SRGN: variants seen among roughly 807,000 people sequenced by gnomAD.
SRGN encodes the protein serglycin.
Under a neutral mutation model 9.5 loss-of-function variants are expected in SRGN, and 2 were observed. The ratio of observed to expected loss-of-function variants is 0.21; its 90% confidence interval spans 0.09 to 0.66. The LOEUF (loss-of-function observed/expected upper bound fraction) is 0.66. Among genes scored for constraint, SRGN ranks in the 30% least tolerant of loss-of-function variants. The pLI, the probability that SRGN is intolerant of heterozygous loss-of-function variation, is 0.83. For synonymous variants in SRGN, 59 were observed against 72.3 expected (o/e 0.82, Z 0.93); for missense variants, 170 against 192.4 (o/e 0.88, Z 0.69).
At position 69,088,104 on chromosome 10, in the gene SRGN, C is replaced by A; in HGVS notation, c.-54C>A. The A allele has an allele frequency of 6.7e-7, 1 of 1,497,406 alleles. No individual in the cohort carries two copies. The highest frequency in any genetic ancestry group is 9.3e-7 in the Non-Finnish European group (1 of 1,073,766). The allele number at this position is 1,497,406 out of a possible 1,614,324, so 92.8% of individuals were successfully genotyped here. ...AAAAGGGACAGAGAGCACCCTGCTA[C>A]ATTTCCTAATCAAGAAGTTGGCGTG... On this transcript the variant is annotated 5_prime_UTR_variant, in exon 1 of 3. Transcript: ENST00000242465.
intron 1 of SRGN, among the ~76,000 whole-genome samples, chr10:69,088,971 A>G (rs1839996106): frequency 6.6e-6 from 1 of 152,208 alleles, no homozygotes; most frequent in Admixed American, 6.5e-5. Context: ...AGAAAAATAC[A>G]ATTTGTTATT....
chr10:69,090,289 CG>C (rs1785157282), intron 1 of SRGN, among the ~76,000 whole-genome samples: 1 of 152,188 alleles, frequency 6.6e-6, no homozygotes, highest in Non-Finnish European at 1.5e-5. Context: ...TTATCTAGCC[CG>C]TTGGTTTGGC....
upstream of SRGN, among the ~76,000 whole-genome samples, chr10:69,087,637 A>G (rs1417048835): frequency 6.6e-6 from 1 of 150,860 alleles, no homozygotes; most frequent in Non-Finnish European, 1.5e-5. Context: ...TTGAAGTTTC[A>G]CTTCACGAGC....
At chr10:69,098,971 A>G (rs1840235388) in intron 2 of SRGN, among the ~76,000 whole-genome samples, 1 of 152,164 alleles carries the variant, frequency 6.6e-6, no homozygotes, top group South Asian at 2.1e-4. Flanking sequence ...AAAGAAAAAA[A>G]AAATTAGGGA....
chr10:69,095,188 A>G lies in SRGN; in HGVS notation c.80-1896A>G, dbSNP rs564273259. On this transcript the variant is annotated intron_variant, in intron 1 of 2. Coordinates refer to ENST00000242465, the MANE Select transcript of SRGN (RefSeq NM_002727.4). Reference sequence around the variant, plus strand: ...CTGGATATGATTGTGGGCACCTGTCATCCCAGCTACTCGGGAGGCTGAGGC... The same window carrying G: ...CTGGATATGATTGTGGGCACCTGTCGTCCCAGCTACTCGGGAGGCTGAGGC... Among the ~76,000 whole-genome samples the G allele has an allele frequency of 4.8e-3, 723 of 151,700 alleles. 7 individuals carry two copies. Among genetic ancestry groups the G allele is most frequent in the African/African-American group, 0.017 (701 of 41,360 alleles).
At chr10:69,101,570 A>C (rs1840292032) in intron 2 of SRGN, among the ~76,000 whole-genome samples, 1 of 151,084 alleles carries the variant, frequency 6.6e-6, no homozygotes, top group Non-Finnish European at 1.5e-5. Flanking sequence ...CTCTCCTTTG[A>C]CTCTGCGTCT....
intron 1 of SRGN, among the ~76,000 whole-genome samples, chr10:69,091,909 G>GAAAAAAAAAAAAAAAAAAAAA (rs1208815472): frequency 1.6e-5 from 1 of 62,028 alleles, no homozygotes; most frequent in African/African-American, 5.4e-5. Context: ...AAAAAAAAAA[G>GAAAAAAAAAAAAAAAAAAAAA]AAAAAGAAAA....
intron 1 of SRGN, among the ~76,000 whole-genome samples, chr10:69,092,529 C>T (rs982290045): frequency 3.9e-5 from 6 of 152,152 alleles, no homozygotes; most frequent in Admixed American, 6.5e-5. Context: ...TGTGGTGGCT[C>T]ATGCCTGTAA....
At position 69,097,079 on chromosome 10, in the gene SRGN, G is replaced by A. The variant is rs1168410563; in HGVS notation, c.80-5G>A. 1.2e-6 allele frequency: 2 copies of A among 1,613,064 alleles called. No homozygotes were observed. The highest frequency in any genetic ancestry group is 2.7e-5 in the African/African-American group (2 of 74,842). ...ACTTAGTAACAATGTGGGTTCCTCG[G>A]GCAGGTTATCCTACGCGGAGAGCCA... On this transcript the variant is annotated splice_region_variant and splice_polypyrimidine_tract_variant and intron_variant, in intron 1 of 2. Coordinates refer to ENST00000242465, the MANE Select transcript of SRGN (RefSeq NM_002727.4).
At chr10:69,102,456 A>G (rs1469099740) in intron 2 of SRGN, among the ~76,000 whole-genome samples, 1 of 152,230 alleles carries the variant, frequency 6.6e-6, no homozygotes. Context: ...CCTCTGTTCT[A>G]TCCCAGGCCC....
intron 1 of SRGN, among the ~76,000 whole-genome samples, chr10:69,090,098 C>T (rs1362756619): frequency 2.0e-5 from 3 of 152,142 alleles, no homozygotes; most frequent in African/African-American, 4.8e-5. Flanking sequence ...CTCTCAGTAT[C>T]GGGCTCAAGG....
At chr10:69,091,345 A>G (rs1374723886) in intron 1 of SRGN, among the ~76,000 whole-genome samples, 5 of 152,196 alleles carry the variant, frequency 3.3e-5, no homozygotes, top group Non-Finnish European at 7.3e-5. Context: ...AGCCCTTGCT[A>G]TAACGTTTCC....
chr10:69,097,463 G>C, intron 2 of SRGN, among the ~76,000 whole-genome samples: 2 of 112,256 alleles, frequency 1.8e-5, no homozygotes, highest in Non-Finnish European at 3.6e-5. Context: ...GTCTCAGTCT[G>C]TCGCTCAGGC....
intron 2 of SRGN, among the ~76,000 whole-genome samples, chr10:69,099,496 G>A (rs1840247428): frequency 6.6e-6 from 1 of 151,686 alleles, no homozygotes; most frequent in African/African-American, 2.4e-5. Flanking sequence ...TAGAGACAGG[G>A]GTCTCTGTAC....
In SRGN at chr10:69,104,030, C is replaced by G; in HGVS notation, c.387C>G (p.Phe129Leu). The G allele has an allele frequency of 6.2e-7, 1 of 1,614,192 alleles. No individual in the cohort carries two copies. Among genetic ancestry groups the G allele is most frequent in the Non-Finnish European group, 8.5e-7 (1 of 1,180,032 alleles). ...DYQLVDESDA[F>L]HDNLRSLDRN... ...AACTAGTAGACGAAAGTGATGCTTT[C>G]CATGACAACCTTAGGTCTCTTGACA... Residue 129 changes from phenylalanine to leucine, a missense_variant, in exon 3 of 3, where the codon TTC (phenylalanine) becomes TTG (leucine). Coordinates refer to ENST00000242465, the MANE Select transcript of SRGN (RefSeq NM_002727.4).
chr10:69,098,602 C>G (rs527690318), intron 2 of SRGN: 1 of 151,456 alleles, frequency 6.6e-6, no homozygotes, highest in Non-Finnish European at 1.5e-5. Context: ...CATAGTGAGA[C>G]CCTATCTCTA....
intron 1 of SRGN, 83 bp from the exon 2 acceptor site, chr10:69,097,001 A>G: frequency 6.8e-7 from 1 of 1,463,242 alleles, no homozygotes; most frequent in Non-Finnish European, 9.2e-7. Context: ...CTCGAAAAAA[A>G]AATAAAAATA....
intron 1 of SRGN, among the ~76,000 whole-genome samples, chr10:69,096,597 T>C (rs1192169109): frequency 6.6e-6 from 1 of 152,230 alleles, no homozygotes; most frequent in Non-Finnish European, 1.5e-5. Context: ...TGTTGGCACA[T>C]AGTGGGTGCT....
intron 2 of SRGN, among the ~76,000 whole-genome samples, chr10:69,100,237 G>A (rs1019486866): frequency 2.0e-5 from 3 of 151,876 alleles, no homozygotes; most frequent in African/African-American, 2.4e-5. Context: ...GAGAAACCTC[G>A]TCTCTATAGA....
Sources: allele counts gnomAD v4.1 joint callset (sites outside exome capture counted in the v4.1 genomes callset), GRCh38; gene constraint gnomAD v4.1.1; transcripts MANE v1.5; gene names NCBI Gene and HGNC (gene_info 2026-07-23, HGNC 2026-07-21).